Variants in BEST3 observed in about 807,000 individuals in gnomAD.
BEST3 encodes the protein bestrophin-3.
Under a neutral mutation model 47.1 loss-of-function variants are expected in BEST3, and 50 were observed. The observed-to-expected ratio is 1.06, with a 90% confidence interval of 0.85 to 1.34. The LOEUF is 1.34. Among genes scored for constraint, BEST3 ranks in the 40% most tolerant of loss-of-function variants. The pLI is 0.00. For synonymous variants in BEST3, 282 were observed against 298.8 expected, an observed-to-expected ratio of 0.94 and a Z score of 0.58; for missense variants, 765 against 817.0, an observed-to-expected ratio of 0.94 and a Z score of 0.78.
chr12:69,668,981 G>T lies in BEST3; in HGVS notation c.1100+2447C>A, dbSNP rs370957654. ...GAAACCTGAGCCAGTGGAGAGAAAA[G>T]CAGACCTGAGAGGGATGGGGCAACA... On this transcript the variant is annotated intron_variant, in intron 9 of 9. Transcript: ENST00000330891. Among the ~76,000 whole-genome samples the T allele has an allele frequency of 2.7e-4, 41 of 152,266 alleles. No individual in the cohort carries two copies. In the South Asian group the frequency reaches 7.9e-3, roughly 29 times the overall value.
In BEST3 at chr12:69,671,509, T is replaced by C; in HGVS notation, c.1019A>G (p.Asp340Gly). Reference sequence around the variant, plus strand: ...TGTGTATGGTGGGCGAGCAGCAGAATCGTCCCAGTAAATGTCCTTCTTCAT... The same window carrying C: ...TGTGTATGGTGGGCGAGCAGCAGAACCGTCCCAGTAAATGTCCTTCTTCAT... Reference protein sequence around the residue: ...PKMKKDIYWDDSAARPPYTLA... With the variant: ...PKMKKDIYWDGSAARPPYTLA... Residue 340 changes from aspartate to glycine, a missense_variant, in exon 9 of 10, where the codon GAT (aspartate) becomes GGT (glycine). By Grantham distance (94) the Asp-to-Gly change is moderately conservative (BLOSUM62 -1). Coordinates refer to ENST00000330891, the MANE Select transcript of BEST3 (RefSeq NM_032735.3). 6.2e-7 allele frequency: 1 copy of C among 1,614,016 alleles called. No individual in the cohort carries two copies. Among genetic ancestry groups the C allele is most frequent in the Non-Finnish European group, 8.5e-7 (1 of 1,179,876 alleles).
At chr12:69,658,995 G>C (rs569670593) in intron 9 of BEST3, among the ~76,000 whole-genome samples, 3 of 152,028 alleles carry the variant, frequency 2.0e-5, no homozygotes, top group Non-Finnish European at 4.4e-5. Flanking sequence ...ATGGTGGAAG[G>C]GTACACAAAA....
intron 7 of BEST3, among the ~76,000 whole-genome samples, 197 bp from the exon 8 acceptor site, chr12:69,673,162 G>A (rs569646114): frequency 2.6e-5 from 4 of 152,296 alleles, no homozygotes; most frequent in South Asian, 2.1e-4. Flanking sequence ...ATGCACCTTC[G>A]TAGGTATGCT....
intron 4 of BEST3, among the ~76,000 whole-genome samples, chr12:69,684,891 CGTTT>C (rs1172892580): frequency 1.3e-5 from 2 of 152,098 alleles, no homozygotes; most frequent in African/African-American, 4.8e-5. Context: ...CAGGTTTTTT[CGTTT>C]GTTTGTTTTT....
At chr12:69,665,463 C>G (rs1365735366) in intron 9 of BEST3, among the ~76,000 whole-genome samples, 1 of 152,096 alleles carries the variant, frequency 6.6e-6, no homozygotes, top group East Asian at 1.9e-4. Flanking sequence ...TGTGGTGGTG[C>G]ACGCCTGTAA....
chr12:69,645,468 A>G (rs929070089), intron 9 of BEST3, among the ~76,000 whole-genome samples: 10 of 152,324 alleles, frequency 6.6e-5, no homozygotes, highest in African/African-American at 2.4e-4. Context: ...TCCTCCATGG[A>G]CCTCAAAGGG....
At position 69,655,410 on chromosome 12, in the gene BEST3, C is replaced by A. The variant is rs757476199; in HGVS notation, c.1504G>T (p.Glu502Ter). The A allele has an allele frequency of 6.2e-7, 1 of 1,614,178 alleles. No individual in the cohort carries two copies. Among genetic ancestry groups the A allele is most frequent in the South Asian group, 1.1e-5 (1 of 91,074 alleles). Residue 502 changes from glutamate (E) to a stop codon, truncating the protein, a stop_gained, in exon 10 of 10, where the codon GAG becomes TAG. Coordinates refer to ENST00000330891, the MANE Select transcript of BEST3 (RefSeq NM_032735.3). LOFTEE classifies it low-confidence loss of function (END_TRUNC). ...TSPIKMPLVP[E>*]VLITAAEAPV... ...GCTTCGGCTGCTGTGATCAATACCT[C>A]AGGTACCAGTGGCATTTTGATGGGG...
At chr12:69,643,596 A>G in exon 10 of BEST3, 1 of 564,898 alleles carries the variant, frequency 1.8e-6, no homozygotes, top group Non-Finnish European at 3.3e-6. Flanking sequence ...CCTGGATGCT[A>G]AAAAGTGGAG....
intron 7 of BEST3, 49 bp from the exon 8 acceptor site, chr12:69,673,014 C>A: frequency 7.1e-7 from 1 of 1,402,766 alleles, no homozygotes; most frequent in South Asian, 1.2e-5. Flanking sequence ...TGTGAAAACT[C>A]AGAATAGAGA....
At chr12:69,680,469 C>T (rs998960292) in intron 4 of BEST3, among the ~76,000 whole-genome samples, 4 of 151,936 alleles carry the variant, frequency 2.6e-5, no homozygotes, top group East Asian at 3.9e-4. Flanking sequence ...CCACCACGCC[C>T]GGCTAAGTTT....
chr12:69,694,243 G>A, intron 3 of BEST3, 127 bp downstream of exon 3: 1 of 626,992 alleles, frequency 1.6e-6, no homozygotes, highest in Admixed American at 3.3e-5. Context: ...GGATGATTCT[G>A]GTTCTATTGC....
chr12:69,680,310 C>CTTCTTTTTTTTTTTT lies in BEST3; in HGVS notation c.482-1418_482-1417insAAAAAAAAAAAAGAA, dbSNP rs763385722. 1.6e-3 allele frequency among the ~76,000 whole-genome samples: 149 copies of CTTCTTTTTTTTTTTT among 94,972 alleles called. 7 individuals carry two copies. The highest frequency in any genetic ancestry group is 3.0e-3 in the South Asian group (8 of 2,686). The allele number at this position is 94,972 out of a possible 152,430, so 62.3% of individuals were successfully genotyped here. A position where few individuals can be genotyped will look rare whatever the true frequency, so the allele number is the denominator to read the frequency against. The stretch of plus-strand genomic sequence containing the variant: ...TTAAAACTTACAGTTTACACTTGAT[C>CTTCTTTTTTTTTTTT]TTTTTTTTTTTTTTTTTAGATGGAG... On this transcript the variant is annotated intron_variant, in intron 4 of 9. Coordinates refer to ENST00000330891, the MANE Select transcript of BEST3 (RefSeq NM_032735.3).
chr12:69,699,108 A>T, intron 1 of BEST3, 97 bp downstream of exon 1: 1 of 666,556 alleles, frequency 1.5e-6, no homozygotes, highest in Non-Finnish European at 1.9e-6. Flanking sequence ...TCTTTCATTT[A>T]GTAGTTCACT....
chr12:69,650,579 C>T (rs150376070), downstream of BEST3, among the ~76,000 whole-genome samples: 3 of 152,272 alleles, frequency 2.0e-5, no homozygotes, highest in South Asian at 4.1e-4. Context: ...GGAGTTTTTA[C>T]AGTTGTAGTT....
intron 4 of BEST3, among the ~76,000 whole-genome samples, chr12:69,692,304 A>G (rs936927985): frequency 1.3e-5 from 2 of 152,242 alleles, no homozygotes; most frequent in African/African-American, 4.8e-5. Flanking sequence ...ACTGGACTCA[A>G]TGTGAAGGCA....
chr12:69,673,000 T>G, intron 7 of BEST3, 35 bp from the exon 8 acceptor site: 3 of 1,493,530 alleles, frequency 2.0e-6, no homozygotes, highest in Non-Finnish European at 2.8e-6. Flanking sequence ...TCCATCATGA[T>G]ACCTGTGAAA....
chr12:69,647,868 T>C (rs1883088767), intron 9 of BEST3, among the ~76,000 whole-genome samples: 1 of 152,198 alleles, frequency 6.6e-6, no homozygotes, highest in Admixed American at 6.5e-5. Flanking sequence ...GGTCTATTAT[T>C]AGTCTAGAAA....
In BEST3 at chr12:69,676,975, C is replaced by T; in HGVS notation, c.808G>A (p.Asp270Asn). The change falls in exon 7 of 10, where the codon GAT becomes AAT. Residue 270 changes from aspartate (D) to asparagine (N), a missense_variant. Physicochemically the swap from Asp to Asn is conservative, Grantham distance 23. Transcript: ENST00000330891. ...PTKGYAGHDL[D>N]LYIPIFTLLQ... ...AGGGTGAAGATGGGAATGTAAAGAT[C>T]CAAGTCATGCCCTGCGTAGCCTTTG... 6.2e-7 allele frequency: 1 copy of T among 1,614,050 alleles called. No homozygotes were observed. Among genetic ancestry groups the T allele is most frequent in the Non-Finnish European group, 8.5e-7 (1 of 1,179,988 alleles).
At chr12:69,694,324 A>C in intron 3 of BEST3, 46 bp downstream of exon 3, 1 of 1,258,324 alleles carries the variant, frequency 7.9e-7, no homozygotes, top group Non-Finnish European at 1.1e-6. Flanking sequence ...TGTCATCCTA[A>C]CGGAGACAGC....
Sources: gnomAD v4.1 joint callset for allele counts (sites outside exome capture counted in the v4.1 genomes callset) on GRCh38, gnomAD v4.1.1 for gene constraint, MANE v1.5 for transcripts, NCBI Gene and HGNC (gene_info 2026-07-23, HGNC 2026-07-21) for gene names.